TSPEAR: variants seen among roughly 807,000 people sequenced by gnomAD.
The protein encoded by TSPEAR is thrombospondin type laminin G domain and EAR repeats, also known as thrombospondin-type laminin G domain and EAR repeat-containing protein.
TSPEAR carries 69 observed loss-of-function variants against 71.6 expected under a neutral mutation model. The ratio of observed to expected loss-of-function variants is 0.96; its 90% CI spans 0.79 to 1.18. The LOEUF is 1.18. TSPEAR is among the 50% of genes most tolerant of loss of function. The probability of loss-of-function intolerance (pLI) is 0.00; values close to 1 mark genes in which losing one functional copy is unlikely to be tolerated. For synonymous variants in TSPEAR, 402 were observed against 387.2 expected (o/e 1.04, Z -0.45); for missense variants, 971 against 894.9 (o/e 1.09, Z -1.09).
chr21:44,567,522 A>G (rs587751871), intron 2 of TSPEAR, among the ~76,000 whole-genome samples: 31 of 152,256 alleles, frequency 2.0e-4, no homozygotes, highest in African/African-American at 6.3e-4. Context: ...CTGCCAAAGG[A>G]TGTCAACATA....
In TSPEAR at chr21:44,528,834, C is replaced by T. The variant is rs149154315; in HGVS notation, c.791-251G>A. 2.9e-3 allele frequency among the ~76,000 whole-genome samples: 447 copies of T among 152,328 alleles called. 2 individuals are homozygous for T. The highest frequency in any genetic ancestry group is 0.01 in the African/African-American group (428 of 41,568). On this transcript the variant is annotated intron_variant, in intron 5 of 11. Coordinates refer to ENST00000323084, the MANE Select transcript of TSPEAR (RefSeq NM_144991.3). ...CCCACCCTCTGTCCACTCTGAAAGG[C>T]GTGGCTTTCCATCCCATTGAGGCAG...
chr21:44,626,186 T>C (rs1305390934), intron 1 of TSPEAR, among the ~76,000 whole-genome samples: 1 of 152,240 alleles, frequency 6.6e-6, no homozygotes, highest in African/African-American at 2.4e-5. Context: ...AAATGTGAAA[T>C]CACAATCAAT....
At chr21:44,538,999 T>A in intron 2 of TSPEAR, 3 of 521,494 alleles carry the variant, frequency 5.8e-6, no homozygotes, top group South Asian at 2.8e-5. Context: ...CCAAGGAGAG[T>A]TTATTGGGGA....
At chr21:44,507,980 T>G (rs1220848068) in intron 10 of TSPEAR, 1 of 152,180 alleles carries the variant, frequency 6.6e-6, no homozygotes, top group African/African-American at 2.4e-5. Flanking sequence ...TTTTTTTAAT[T>G]TTTAAAAATC....
intron 1 of TSPEAR, among the ~76,000 whole-genome samples, chr21:44,621,817 G>T (rs233271): frequency 0.85 from 129,635 of 152,124 alleles, 56,357 homozygotes; most frequent in Non-Finnish European, 0.94. Context: ...TTGTATTTTT[G>T]TTCCTTTTGT....
At chr21:44,647,337 C>A (rs782062601) in intron 1 of TSPEAR, 21 of 1,613,616 alleles carry the variant, frequency 1.3e-5, no homozygotes, top group Non-Finnish European at 1.7e-5. Flanking sequence ...TCTGCTCAGG[C>A]AAGAAGTCCA....
chr21:44,513,152 T>C (rs1479325080), intron 9 of TSPEAR, among the ~76,000 whole-genome samples: 1 of 152,238 alleles, frequency 6.6e-6, no homozygotes. Flanking sequence ...CACCGGCTCC[T>C]GGTCCCAGCA....
At chr21:44,667,518 G>A (rs1375180904) in intron 1 of TSPEAR, among the ~76,000 whole-genome samples, 3 of 152,216 alleles carry the variant, frequency 2.0e-5, no homozygotes, top group Non-Finnish European at 4.4e-5. Flanking sequence ...TAAGAACCAA[G>A]ATGAGACAAC....
chr21:44,507,401 T>C (rs1445566989), intron 10 of TSPEAR, among the ~76,000 whole-genome samples: 2 of 152,260 alleles, frequency 1.3e-5, no homozygotes, highest in Non-Finnish European at 2.9e-5. Context: ...AATAGGGTTT[T>C]GGACTTGGTG....
rs782004017 is a variant in TSPEAR, at chr21:44,612,405, C to T, written c.83-44400G>A. ...TGCACACCTTCATGCTGCCAGCAGT[C>T]TAGCTGCCAGCCGGCTTGCTGCACC... On this transcript the variant is annotated intron_variant, in intron 1 of 11. Transcript: ENST00000323084. The surrounding 1 kb of genome is among the most constrained non-coding windows in gnomAD (Gnocchi z 4.1). 9.3e-6 allele frequency: 15 copies of T among 1,614,146 alleles called. No individual in the cohort carries two copies. The South Asian group carries it at 1.2e-4, about 13-fold the overall frequency.
intron 1 of TSPEAR, among the ~76,000 whole-genome samples, chr21:44,706,087 G>A (rs1399395856): frequency 3.9e-5 from 6 of 152,108 alleles, no homozygotes; most frequent in Non-Finnish European, 7.4e-5. Flanking sequence ...CAGGTCCCCC[G>A]ATAACCCCCA....
intron 1 of TSPEAR, among the ~76,000 whole-genome samples, chr21:44,678,511 C>T (rs1236378788): frequency 6.6e-6 from 1 of 152,108 alleles, no homozygotes; most frequent in Non-Finnish European, 1.5e-5. Context: ...GCCTGCAGAA[C>T]CATAAGCCAA....
In TSPEAR at chr21:44,625,777, C is replaced by T. The variant is rs150835305; in HGVS notation, c.83-57772G>A. Among the ~76,000 whole-genome samples, 1,443 of 151,036 alleles carry T rather than the reference C, an allele frequency of 9.6e-3. 15 individuals carry two copies. The highest frequency in any genetic ancestry group is 0.032 in the African/African-American group (1,334 of 41,258). On this transcript the variant is annotated intron_variant, in intron 1 of 11. Transcript: ENST00000323084. Reference sequence around the variant, plus strand: ...ACTGGCCACTGCTGCACCTTCTCTCCGGCTGCTCCAGTGATCCTGTGCTTC... The same window carrying T: ...ACTGGCCACTGCTGCACCTTCTCTCTGGCTGCTCCAGTGATCCTGTGCTTC...
intron 2 of TSPEAR, among the ~76,000 whole-genome samples, chr21:44,542,671 G>T (rs587649534): frequency 2.7e-4 from 41 of 151,456 alleles, no homozygotes; most frequent in Middle Eastern, 3.4e-3. Flanking sequence ...ACTTGAGCCT[G>T]GGAGGTAGAG....
chr21:44,702,679 C>A (rs1987715409), intron 1 of TSPEAR: 2 of 1,547,096 alleles, frequency 1.3e-6, no homozygotes, highest in Non-Finnish European at 1.8e-6. Context: ...CTGTTGTGCA[C>A]CCGCCTTCTC....
At chr21:44,526,365 T>G (rs1268306972) in intron 7 of TSPEAR, among the ~76,000 whole-genome samples, 20 of 152,342 alleles carry the variant, frequency 1.3e-4, no homozygotes, top group African/African-American at 4.1e-4. Context: ...GGACGCCACA[T>G]GAACCTACGT....
At chr21:44,531,570 T>C (rs11911930) in intron 3 of TSPEAR, among the ~76,000 whole-genome samples, 1,677 of 149,310 alleles carry the variant, frequency 0.011, 27 homozygotes, top group African/African-American at 0.037. Context: ...TGGGTGGACA[T>C]GAATTCGGGG....
In TSPEAR at chr21:44,699,121, C is replaced by T. The variant is rs1282703376; in HGVS notation, c.82+12312G>A. On this transcript the variant is annotated intron_variant, in intron 1 of 11. Coordinates refer to ENST00000323084, the MANE Select transcript of TSPEAR (RefSeq NM_144991.3). ...GCGGAAGCAGAAGAATCACTCGAGC[C>T]GGGAGGCGGAGGGTGCAGTGAGCTG... Among the ~76,000 whole-genome samples, 14 of 152,210 alleles carry T rather than the reference C, an allele frequency of 9.2e-5. No homozygotes were observed. In the East Asian group the frequency reaches 2.3e-3, roughly 25 times the overall value.
In TSPEAR at chr21:44,593,534, G is replaced by A. The variant is rs1216433355; in HGVS notation, c.83-25529C>T. ...ACTAAATGGATCCCATCTTGCCCAC[G>A]GGGACCCCCGAAAAACTGCGTTCCT... On this transcript the variant is annotated intron_variant, in intron 1 of 11. Transcript: ENST00000323084. The surrounding 1 kb of genome is among the most constrained non-coding windows in gnomAD (Gnocchi z 5.9). Among the ~76,000 whole-genome samples the A allele has an allele frequency of 2.0e-5, 3 of 152,140 alleles. No individual in the cohort carries two copies. Among genetic ancestry groups the A allele is most frequent in the African/African-American group, 4.8e-5 (2 of 41,434 alleles).
Sources: gnomAD v4.1 joint callset for allele counts (sites outside exome capture counted in the v4.1 genomes callset) on GRCh38, gnomAD v4.1.1 for gene constraint, Gnocchi (gnomAD v3.1) non-coding constraint, MANE v1.5 for transcripts, NCBI Gene and HGNC (gene_info 2026-07-23, HGNC 2026-07-21) for gene names.